SALL4: variants seen among roughly 807,000 people sequenced by gnomAD.
SALL4 encodes sal-like protein 4.
A neutral mutation model predicts 60.8 loss-of-function variants in SALL4; 4 were observed. The observed-to-expected ratio is 0.07, with a 90% confidence interval of 0.03 to 0.15. The LOEUF is 0.15. Ranked by LOEUF, SALL4 falls within the 10% of genes least tolerant of loss-of-function variation. SALL4 has a pLI of 1.00. For synonymous variants in SALL4, 580 were observed against 574.9 expected (o/e 1.01, Z -0.13); for missense variants, 1,178 against 1,394.7 (o/e 0.84, Z 2.48).
rs2078040128 is a variant in SALL4, at chr20:51,791,388, G to A, written c.1095C>T (p.Asn365=). The change falls in exon 2 of 4, where the codon AAC becomes AAT. Residue 365 remains asparagine, a synonymous_variant. Transcript: ENST00000217086. This position sits in a 1 kb window ranked among gnomAD's most constrained non-coding sequence, Gnocchi z 4.6. ...TGGGTTTGACATCCACCGCGGAGAT[G>A]TTCGGTGGCTTCCCCTTCCCTTTCT... The part of the protein sequence containing the change: ...TSKKGKGKPP[N]ISAVDVKPKD... The A allele has an allele frequency of 1.2e-6, 2 of 1,614,094 alleles. No individual in the cohort carries two copies. Among genetic ancestry groups the A allele is most frequent in the Non-Finnish European group, 1.7e-6 (2 of 1,180,046 alleles).
chr20:51,801,077 G>A lies in SALL4; in HGVS notation c.130+1202C>T, dbSNP rs561065550. Among the ~76,000 whole-genome samples, 3 of 152,168 alleles carry A rather than the reference G, an allele frequency of 2.0e-5. No homozygotes were observed. Among genetic ancestry groups the A allele is most frequent in the African/African-American group, 7.2e-5 (3 of 41,528 alleles). ...TGCAGGGAAATTAGAAAGCAGGCGG[G>A]GAGCGGAGCGACGAACAAGGCCGGA... On this transcript the variant is annotated intron_variant, in intron 1 of 3. Coordinates refer to ENST00000217086, the MANE Select transcript of SALL4 (RefSeq NM_020436.5). This position sits in a 1 kb window ranked among gnomAD's most constrained non-coding sequence, Gnocchi z 5.2.
Position 51,791,316 on chromosome 20 carries a change from C to T in SALL4, c.1167G>A (p.Lys389=). Residue 389 remains lysine, a synonymous_variant, in exon 2 of 4, where the codon AAG becomes AAA. Coordinates refer to ENST00000217086, the MANE Select transcript of SALL4 (RefSeq NM_020436.5). This position sits in a 1 kb window ranked among gnomAD's most constrained non-coding sequence, Gnocchi z 4.6. ...LYKHKCKYCS[K]VFGTDSSLQI... is the part of the protein sequence containing the mutation. The stretch of plus-strand genomic sequence containing the variant: ...GCAAGGAGCTATCAGTCCCAAAAAC[C>T]TTGCTACAGTACTTACACTTGTGCT... The T allele has an allele frequency of 6.2e-7, 1 of 1,614,158 alleles. No individual in the cohort carries two copies. Among genetic ancestry groups the T allele is most frequent in the Non-Finnish European group, 8.5e-7 (1 of 1,180,036 alleles).
intron 1 of SALL4, among the ~76,000 whole-genome samples, chr20:51,796,764 G>A (rs1447142319): frequency 6.6e-6 from 1 of 152,102 alleles, no homozygotes; most frequent in Non-Finnish European, 1.5e-5. Flanking sequence ...TTCTAGAGCG[G>A]AGTTTCTCCC....
At chr20:51,799,704 C>T (rs1396629399) in intron 1 of SALL4, among the ~76,000 whole-genome samples, 1 of 152,220 alleles carries the variant, frequency 6.6e-6, no homozygotes, top group Non-Finnish European at 1.5e-5. Flanking sequence ...TTATTCGAAA[C>T]TTGGGAATCC....
chr20:51,785,402 T>C (rs2077984980), intron 3 of SALL4, among the ~76,000 whole-genome samples: 1 of 152,240 alleles, frequency 6.6e-6, no homozygotes, highest in Admixed American at 6.5e-5. Context: ...AAGTCTGATC[T>C]CTACTGAATG....
In SALL4 at chr20:51,790,612, G is replaced by C. The variant is rs146604877; in HGVS notation, c.1871C>G (p.Thr624Arg). The stretch of plus-strand genomic sequence containing the variant: ...CTGGCAGATGGGGCACGAATGCTGC[G>C]TCTTAATGGATGTGTTGGTTCGGTG... ...GVHRTNTSIK[T>R]QHSCPICQKK... The change falls in exon 2 of 4, where the codon ACG (threonine) becomes AGG (arginine). Residue 624 changes from threonine to arginine, a missense_variant. Physicochemically the swap from Thr to Arg is moderately conservative, Grantham distance 71. Around this residue, in one of 5 missense-constraint regions of SALL4, gnomAD observed 853 missense variants for 1,036.8 expected, o/e 0.82. Coordinates refer to ENST00000217086, the MANE Select transcript of SALL4 (RefSeq NM_020436.5). The surrounding 1 kb of genome is among the most constrained non-coding windows in gnomAD (Gnocchi z 5.5). The C allele has an allele frequency of 6.2e-7, 1 of 1,614,138 alleles. No individual in the cohort carries two copies. The highest frequency in any genetic ancestry group is 1.3e-5 in the African/African-American group (1 of 75,036).
chr20:51,784,240 T>C lies in SALL4; in HGVS notation c.*25A>G. The C allele has an allele frequency of 6.2e-7, 1 of 1,612,368 alleles. No homozygotes were observed. The highest frequency in any genetic ancestry group is 1.7e-5 in the Admixed American group (1 of 60,016). ...TTCTAGAGATTTCACTGTGTCTGCATTGCTCCTTCCACGCAAGTTCTCCCT... is the reference window on the plus strand; with the variant it reads ...TTCTAGAGATTTCACTGTGTCTGCACTGCTCCTTCCACGCAAGTTCTCCCT... On this transcript the variant is annotated 3_prime_UTR_variant, in exon 4 of 4. Coordinates refer to ENST00000217086, the MANE Select transcript of SALL4 (RefSeq NM_020436.5).
rs2078117682 is a variant in SALL4 at position 51,802,498 on chromosome 20, C to G, written c.-90G>C. On this transcript the variant is annotated 5_prime_UTR_variant, in exon 1 of 4. Coordinates refer to ENST00000217086, the MANE Select transcript of SALL4 (RefSeq NM_020436.5). ...GTTGGGAAATTTACCCCCCTTCGGC[C>G]GGAACGCGCATGTCCCAGTAATTAT... 3 of 1,583,386 alleles carry G rather than the reference C, an allele frequency of 1.9e-6. No individual in the cohort carries two copies. Among genetic ancestry groups the G allele is most frequent in the African/African-American group, 1.3e-5 (1 of 74,602 alleles).
chr20:51,784,360 T>C lies in SALL4; in HGVS notation c.3067A>G (p.Ile1023Val), dbSNP rs2077975247. The change falls in exon 4 of 4, where the codon ATC (isoleucine) becomes GTC (valine). Residue 1023 changes from isoleucine (I) to valine (V), a missense_variant. By Grantham distance (29) the Ile-to-Val change is conservative. Transcript: ENST00000217086. ...VSKMDGSQSG[I>V]SADVEKPSAT... ...CTTGGTTTTTCCACATCTGCACTGATACCCGACTGGGAGCCATCCATCTTG... is the reference window on the plus strand; with the variant it reads ...CTTGGTTTTTCCACATCTGCACTGACACCCGACTGGGAGCCATCCATCTTG... The C allele has an allele frequency of 6.2e-7, 1 of 1,614,214 alleles. No homozygotes were observed. The highest frequency in any genetic ancestry group is 8.5e-7 in the Non-Finnish European group (1 of 1,180,036).
chr20:51,787,785 G>A (rs2078003424), intron 3 of SALL4, among the ~76,000 whole-genome samples: 1 of 151,964 alleles, frequency 6.6e-6, no homozygotes, highest in African/African-American at 2.4e-5. Flanking sequence ...GAGAGTACAG[G>A]CATGAGCCAC....
At position 51,802,321 on chromosome 20, in the gene SALL4, A is replaced by C; in HGVS notation, c.88T>G (p.Phe30Val). 1.2e-6 allele frequency: 2 copies of C among 1,610,210 alleles called. No homozygotes were observed. Among genetic ancestry groups the C allele is most frequent in the Non-Finnish European group, 1.7e-6 (2 of 1,179,526 alleles). The change falls in exon 1 of 4, where the codon TTT becomes GTT. Residue 30 changes from phenylalanine to valine, a missense_variant. Physicochemically the swap from Phe to Val is conservative, Grantham distance 50. This residue lies in a region of SALL4 where 108 missense variants were observed against 95.7 expected (regional missense o/e 1.13). Coordinates refer to ENST00000217086, the MANE Select transcript of SALL4 (RefSeq NM_020436.5). The part of the protein sequence containing the change: ...EQQPQQQTPE[F>V]ADAAPAAPAA... Reference sequence around the variant, plus strand: ...GGCGCCGCTGGGGCCGCATCTGCAAACTCCGGGGTCTGCTGCTGCGGCTGC... The same window carrying C: ...GGCGCCGCTGGGGCCGCATCTGCAACCTCCGGGGTCTGCTGCTGCGGCTGC...
Position 51,784,437 on chromosome 20 carries a change from G to A in SALL4, c.2990C>T (p.Thr997Ile), listed in dbSNP as rs1388383465. 1 of 1,614,182 alleles carries A rather than the reference G, an allele frequency of 6.2e-7. No homozygotes were observed. The highest frequency in any genetic ancestry group is 8.5e-7 in the Non-Finnish European group (1 of 1,180,034). Reference sequence around the variant, plus strand: ...GGTGGCCCCCAAGGAAACCGGGAGGGTAGGAACCCCCCCACTCTGGATCAC... The same window carrying A: ...GGTGGCCCCCAAGGAAACCGGGAGGATAGGAACCCCCCCACTCTGGATCAC... ...ISVIQSGGVP[T>I]LPVSLGATSV... The change falls in exon 4 of 4, where the codon ACC (threonine) becomes ATC (isoleucine). Residue 997 changes from threonine to isoleucine, a missense_variant. Coordinates refer to ENST00000217086, the MANE Select transcript of SALL4 (RefSeq NM_020436.5).
chr20:51,790,333 G>A lies in SALL4; in HGVS notation c.2150C>T (p.Ser717Leu), dbSNP rs1283456698. 2.8e-5 allele frequency: 46 copies of A among 1,614,052 alleles called. No individual in the cohort carries two copies. Among genetic ancestry groups the A allele is most frequent in the Non-Finnish European group, 3.7e-5 (44 of 1,180,050 alleles). ...GGCAAACCCTAGCGTGGGTGATGCC[G>A]AGTGGATGCTGGGAAGAGGCGTGGG... ...KVPTPLPSIH[S>L]ASPTLGFAMM... is the part of the protein sequence containing the mutation. Residue 717 changes from serine to leucine, a missense_variant, in exon 2 of 4, where the codon TCG (serine) becomes TTG (leucine). Physicochemically the swap from Ser to Leu is moderately radical, Grantham distance 145. Around this residue, in one of 5 missense-constraint regions of SALL4, gnomAD observed 853 missense variants for 1,036.8 expected, o/e 0.82. Coordinates refer to ENST00000217086, the MANE Select transcript of SALL4 (RefSeq NM_020436.5). This position sits in a 1 kb window ranked among gnomAD's most constrained non-coding sequence, Gnocchi z 5.5.
At chr20:51,792,855 C>A in intron 1 of SALL4, 1 of 1,026,526 alleles carries the variant, frequency 9.7e-7, no homozygotes, top group African/African-American at 1.7e-5. Flanking sequence ...GGAAGTCTCT[C>A]GAAGCTACTT....
chr20:51,785,344 T>C (rs1202459472), intron 3 of SALL4, among the ~76,000 whole-genome samples: 1 of 152,138 alleles, frequency 6.6e-6, no homozygotes, highest in African/African-American at 2.4e-5. Flanking sequence ...GCTCATGTGA[T>C]TGAGCATGTA....
At chr20:51,784,753 A>G in intron 3 of SALL4, 69 bp from the exon 4 acceptor site, 5 of 1,543,420 alleles carry the variant, frequency 3.2e-6, no homozygotes, top group Non-Finnish European at 4.5e-6. Context: ...GCCAAGAATC[A>G]ATCTGCATAT....
At chr20:51,800,501 C>A (rs1179865328) in intron 1 of SALL4, among the ~76,000 whole-genome samples, 2 of 152,236 alleles carry the variant, frequency 1.3e-5, no homozygotes, top group Non-Finnish European at 2.9e-5. Flanking sequence ...ATTTCAGAAG[C>A]CCTCTCGTAA....
chr20:51,787,297 G>A (rs1325592117), intron 3 of SALL4, among the ~76,000 whole-genome samples: 1 of 151,848 alleles, frequency 6.6e-6, no homozygotes. Flanking sequence ...GATGGCGGGC[G>A]CCTGTAATTC....
intron 3 of SALL4, among the ~76,000 whole-genome samples, chr20:51,787,148 C>T (rs559417374): frequency 5.3e-5 from 8 of 151,740 alleles, no homozygotes; most frequent in East Asian, 2.0e-4. Flanking sequence ...TGGGGCAGGA[C>T]GCAGTGGCTC....
Sources: allele counts gnomAD v4.1 joint callset (sites outside exome capture counted in the v4.1 genomes callset), GRCh38; gene constraint gnomAD v4.1.1; regional missense constraint gnomAD v4.1.1; non-coding constraint Gnocchi (gnomAD v3.1); transcripts MANE v1.5; gene names NCBI Gene and HGNC (gene_info 2026-07-23, HGNC 2026-07-21).